CHM: variants seen among roughly 807,000 people sequenced by gnomAD.
The protein encoded by CHM is CHM Rab escort protein, also known as rab proteins geranylgeranyltransferase component A 1.
A neutral mutation model predicts 49.0 loss-of-function variants in CHM; 10 were observed. The observed-to-expected ratio is 0.20, with a 90% CI of 0.13 to 0.35. CHM has a LOEUF of 0.35. Among genes scored for constraint, CHM ranks in the 10% least tolerant of loss-of-function variants. The pLI is 1.00. For synonymous variants in CHM, 184 were observed against 167.5 expected (o/e 1.10, Z -0.76); for missense variants, 455 against 478.4 (o/e 0.95, Z 0.46).
At chrX:85,920,108 T>TTTTTA (rs1927691827) in intron 8 of CHM, among the ~76,000 whole-genome samples, 1 of 109,780 alleles carries the variant, frequency 9.1e-6, no homozygotes, top group African/African-American at 3.3e-5. Flanking sequence ...TTTTATTTTT[T>TTTTTA]TTTTTGAGAT....
chrX:85,903,903 C>G (rs1926435333), intron 9 of CHM, among the ~76,000 whole-genome samples: 1 of 111,011 alleles, frequency 9.0e-6, no homozygotes, highest in Admixed American at 9.6e-5. Flanking sequence ...GATAATATCA[C>G]GCTGAAGTAC....
intron 1 of CHM, among the ~76,000 whole-genome samples, chrX:86,041,752 A>G (rs1029162844): frequency 1.0e-4 from 10 of 97,856 alleles, no homozygotes; most frequent in Non-Finnish European, 1.4e-4. Flanking sequence ...ATATATATAT[A>G]TATATACATA....
At chrX:85,974,676 G>A (rs1931147208) in intron 4 of CHM, among the ~76,000 whole-genome samples, 2 of 109,769 alleles carry the variant, frequency 1.8e-5, no homozygotes, top group African/African-American at 3.3e-5. Context: ...GAAGCAATTG[G>A]ATATCCTTAG....
chrX:85,906,157 C>A (rs777569525), intron 9 of CHM, among the ~76,000 whole-genome samples: 2 of 111,520 alleles, frequency 1.8e-5, no homozygotes, highest in South Asian at 7.6e-4. Context: ...AGTGTAGAGA[C>A]AGGAAAAAAA....
chrX:85,889,188 T>C (rs1475323714), intron 12 of CHM, among the ~76,000 whole-genome samples: 1 of 111,491 alleles, frequency 9.0e-6, no homozygotes, highest in East Asian at 2.8e-4. Context: ...CAAAAGCAAT[T>C]GCAACAAAAA....
chrX:85,987,861 C>T (rs910588889), intron 2 of CHM, among the ~76,000 whole-genome samples: 1 of 111,690 alleles, frequency 9.0e-6, no homozygotes, highest in Non-Finnish European at 1.9e-5. Context: ...GAAATGGAAT[C>T]AGAAATAAAT....
intron 2 of CHM, among the ~76,000 whole-genome samples, chrX:85,987,207 CAG>C (rs1168939355): frequency 8.9e-6 from 1 of 112,089 alleles, no homozygotes; most frequent in Non-Finnish European, 1.9e-5. Context: ...CTGAAAGAGA[CAG>C]GGGAAAAGCA....
At chrX:85,948,039 A>G (rs1929512449) in intron 8 of CHM, among the ~76,000 whole-genome samples, 1 of 111,799 alleles carries the variant, frequency 8.9e-6, no homozygotes, top group African/African-American at 3.3e-5. Flanking sequence ...CTCCTTTAAC[A>G]AAATTAAGTA....
intron 8 of CHM, among the ~76,000 whole-genome samples, chrX:85,925,943 C>T (rs971387606): frequency 1.8e-5 from 2 of 110,680 alleles, no homozygotes; most frequent in East Asian, 2.8e-4. Flanking sequence ...CTTAGAAACA[C>T]GGCCACTCAT....
chrX:85,919,173 T>C (rs981961926), intron 8 of CHM, among the ~76,000 whole-genome samples: 7 of 112,089 alleles, frequency 6.2e-5, no homozygotes, highest in African/African-American at 2.3e-4. Flanking sequence ...AAAATAACTT[T>C]TAAATGTCTT....
intron 4 of CHM, among the ~76,000 whole-genome samples, chrX:85,968,011 C>T (rs768183266): frequency 1.5e-4 from 17 of 111,315 alleles, no homozygotes; most frequent in African/African-American, 5.2e-4. Flanking sequence ...ATTTTTCAGC[C>T]ATTTGCACCT....
intron 2 of CHM, 74 bp downstream of exon 2, chrX:86,027,417 T>C (rs1933872043): frequency 3.8e-6 from 3 of 796,323 alleles, no homozygotes; most frequent in Non-Finnish European, 3.8e-6. Context: ...TACAGACATA[T>C]ATGTGTTTAT....
intron 1 of CHM, among the ~76,000 whole-genome samples, chrX:86,046,819 T>A (rs1934665857): frequency 9.0e-6 from 1 of 111,731 alleles, no homozygotes; most frequent in South Asian, 3.8e-4. Context: ...GAACTGGAAC[T>A]CAGGACCTTA....
At chrX:86,002,051 T>G (rs5968769) in intron 2 of CHM, among the ~76,000 whole-genome samples, 18,941 of 110,830 alleles carry the variant, frequency 0.17, 1,541 homozygotes, top group Middle Eastern at 0.25. Flanking sequence ...AAGCTAGCGA[T>G]GAGTTTTATA....
intron 13 of CHM, among the ~76,000 whole-genome samples, chrX:85,874,457 ATTAT>A (rs1924300653): frequency 2.7e-5 from 3 of 111,810 alleles, no homozygotes; most frequent in African/African-American, 9.7e-5. Flanking sequence ...ATTAATTACT[ATTAT>A]TTAATTGGTA....
chrX:85,880,189 A>C (rs1924676704), intron 12 of CHM, among the ~76,000 whole-genome samples: 1 of 111,594 alleles, frequency 9.0e-6, no homozygotes, highest in Admixed American at 9.6e-5. Context: ...GCCTAATAAT[A>C]GGTCTACCTT....
intron 2 of CHM, among the ~76,000 whole-genome samples, chrX:85,990,627 A>C (rs1188526127): frequency 8.9e-6 from 1 of 111,755 alleles, no homozygotes; most frequent in African/African-American, 3.2e-5. Context: ...AAGATAATAG[A>C]AAAAAATAGT....
chrX:85,982,718 T>C (rs1399180137), intron 2 of CHM, among the ~76,000 whole-genome samples: 2 of 112,096 alleles, frequency 1.8e-5, no homozygotes, highest in Admixed American at 9.4e-5. Flanking sequence ...CTGGTTCTGG[T>C]TGGGAGGGAT....
chrX:86,034,667 G>C (rs1319976324), intron 1 of CHM, among the ~76,000 whole-genome samples: 24 of 111,004 alleles, frequency 2.2e-4, no homozygotes, highest in Admixed American at 1.9e-3. Flanking sequence ...GTAATCCCAG[G>C]TACTCGGGAG....
Sources: allele counts gnomAD v4.1 joint callset (sites outside exome capture counted in the v4.1 genomes callset), GRCh38; gene constraint gnomAD v4.1.1; transcripts MANE v1.5; gene names NCBI Gene and HGNC (gene_info 2026-07-23, HGNC 2026-07-21).